BICDL1: variants seen among roughly 807,000 people sequenced by gnomAD.
BICDL1 encodes BICD family like cargo adaptor 1.
Under a neutral mutation model 76.8 loss-of-function variants are expected in BICDL1, and 20 were observed. That is an observed-to-expected ratio of 0.26 (90% confidence interval 0.18 to 0.38). The LOEUF (loss-of-function observed/expected upper bound fraction) is 0.38, where lower values mean the gene tolerates loss of function less well. BICDL1 is among the 10% of genes least tolerant of loss of function. The probability of loss-of-function intolerance (pLI) is 1.00; values close to 1 mark genes in which losing one functional copy is unlikely to be tolerated. For synonymous variants in BICDL1, 383 were observed against 337.1 expected (o/e 1.14, Z -1.49); for missense variants, 700 against 798.6 (o/e 0.88, Z 1.49).
chr12:120,004,083 A>G (rs1043763567), intron 2 of BICDL1, among the ~76,000 whole-genome samples: 1 of 152,214 alleles, frequency 6.6e-6, no homozygotes, highest in African/African-American at 2.4e-5. Flanking sequence ...GCAGAGCCTC[A>G]CGTAGGATAT....
chr12:120,041,807 A>G (rs1432010170), intron 2 of BICDL1, among the ~76,000 whole-genome samples: 1 of 152,220 alleles, frequency 6.6e-6, no homozygotes, highest in Non-Finnish European at 1.5e-5. Flanking sequence ...GAGGGCAGCA[A>G]GTAGGCCAGT....
intron 2 of BICDL1, among the ~76,000 whole-genome samples, chr12:120,003,813 C>CT (rs1951804252): frequency 6.6e-6 from 1 of 152,206 alleles, no homozygotes; most frequent in South Asian, 2.1e-4. Flanking sequence ...CTGTAGTTCT[C>CT]TGACTCTACT....
At chr12:120,025,111 G>A (rs1365347549) in intron 2 of BICDL1, among the ~76,000 whole-genome samples, 8 of 148,316 alleles carry the variant, frequency 5.4e-5, no homozygotes, top group African/African-American at 1.8e-4. Flanking sequence ...GTGCAGTGGC[G>A]CGATCTCAGC....
At chr12:120,006,747 TG>T (rs1460829559) in intron 2 of BICDL1, among the ~76,000 whole-genome samples, 1 of 152,138 alleles carries the variant, frequency 6.6e-6, no homozygotes, top group African/African-American at 2.4e-5. Flanking sequence ...GGTTAGGAGA[TG>T]AGATCAGAGA....
At position 119,990,079 on chromosome 12, in the gene BICDL1, G is replaced by A; in HGVS notation, c.211G>A (p.Asp71Asn). Residue 71 changes from aspartate (D) to asparagine (N), a missense_variant, in exon 1 of 10, where the codon GAC (aspartate) becomes AAC (asparagine). Asp to Asn is a conservative substitution (Grantham distance 23). This residue lies in a region of BICDL1 where 225 missense variants were observed against 199.6 expected (regional missense o/e 1.13). Transcript: ENST00000548673. ...GCTGGCGGCCGGGGAGCGGCCGTCCGACCCCGGGGAACACCCTCAGGCCGA... is the reference window on the plus strand; with the variant it reads ...GCTGGCGGCCGGGGAGCGGCCGTCCAACCCCGGGGAACACCCTCAGGCCGA... The part of the protein sequence containing the change: ...ALLAAGERPS[D>N]PGEHPQAEPG... 1 of 1,537,704 alleles carries A rather than the reference G, an allele frequency of 6.5e-7. No homozygotes were observed. Among genetic ancestry groups the A allele is most frequent in the East Asian group, 2.5e-5 (1 of 40,340 alleles).
At chr12:120,082,975 G>A (rs1007419235) in intron 8 of BICDL1, among the ~76,000 whole-genome samples, 3 of 151,940 alleles carry the variant, frequency 2.0e-5, no homozygotes, top group African/African-American at 7.3e-5. Flanking sequence ...CTATTCTCGT[G>A]CCTCAGCCTC....
chr12:120,043,982 T>C (rs1165630262), intron 2 of BICDL1, among the ~76,000 whole-genome samples: 1 of 152,248 alleles, frequency 6.6e-6, no homozygotes, highest in African/African-American at 2.4e-5. Context: ...TGTAGTCATT[T>C]TAACCGGGGA....
chr12:120,077,577 C>G (rs1225616273), intron 7 of BICDL1, among the ~76,000 whole-genome samples: 2 of 152,222 alleles, frequency 1.3e-5, no homozygotes, highest in Non-Finnish European at 2.9e-5. Context: ...TCATGCTTGA[C>G]TCGAGTGCAC....
chr12:120,074,813 C>T (rs1293125111), intron 7 of BICDL1, among the ~76,000 whole-genome samples: 1 of 152,224 alleles, frequency 6.6e-6, no homozygotes, highest in Non-Finnish European at 1.5e-5. Flanking sequence ...GGCTGGTCCT[C>T]CATTTCCTCC....
At chr12:120,054,651 C>T (rs969558289) in intron 2 of BICDL1, among the ~76,000 whole-genome samples, 16 of 152,004 alleles carry the variant, frequency 1.1e-4, no homozygotes, top group Admixed American at 9.2e-4. Flanking sequence ...CTGAGGTGGG[C>T]GGATCACTTG....
chr12:120,093,986 C>CA lies in BICDL1; in HGVS notation c.*826dup, dbSNP rs1473759111. 8 of 347,162 alleles carry CA rather than the reference C, an allele frequency of 2.3e-5. No homozygotes were observed. The East Asian group carries it at 6.0e-4, about 26-fold the overall frequency. The allele number at this position is 347,162 out of a possible 1,614,324, so 21.5% of individuals were successfully genotyped here. ...AGCTCCCTCCTCCACCCCTCACATACATACATAATTTCTTGGCCTAGCCAA... is the reference window on the plus strand; with the variant it reads ...AGCTCCCTCCTCCACCCCTCACATACAATACATAATTTCTTGGCCTAGCCAA... On this transcript the variant is annotated 3_prime_UTR_variant, in exon 10 of 10. Coordinates refer to ENST00000548673, the MANE Select transcript of BICDL1 (RefSeq NM_001367886.1).
intron 3 of BICDL1, among the ~76,000 whole-genome samples, chr12:120,063,258 G>A (rs966834121): frequency 6.6e-6 from 1 of 152,280 alleles, no homozygotes; most frequent in East Asian, 1.9e-4. Context: ...CTTCACATGG[G>A]TAACTTTGCT....
At chr12:120,082,903 G>T (rs1005618486) in intron 8 of BICDL1, among the ~76,000 whole-genome samples, 1 of 151,558 alleles carries the variant, frequency 6.6e-6, no homozygotes, top group Non-Finnish European at 1.5e-5. Flanking sequence ...TTTTTTGAGA[G>T]AAATTCTCAC....
chr12:120,032,323 T>G (rs910364871), intron 2 of BICDL1, among the ~76,000 whole-genome samples: 2 of 152,128 alleles, frequency 1.3e-5, no homozygotes, highest in East Asian at 1.9e-4. Flanking sequence ...TAAAGGGAGA[T>G]TTTTAAAAAT....
At chr12:120,048,548 G>A (rs1952793568) in intron 2 of BICDL1, among the ~76,000 whole-genome samples, 1 of 152,046 alleles carries the variant, frequency 6.6e-6, no homozygotes, top group African/African-American at 2.4e-5. Context: ...AAAATTACAG[G>A]TTCTTGTTTC....
chr12:120,024,315 C>A (rs73217382), intron 2 of BICDL1, among the ~76,000 whole-genome samples: 3,065 of 152,056 alleles, frequency 0.02, 59 homozygotes, highest in Non-Finnish European at 0.03. Flanking sequence ...AGACCTAAAT[C>A]GAACTTCTAG....
At chr12:119,994,497 CT>C (rs956323505) in intron 1 of BICDL1, among the ~76,000 whole-genome samples, 1 of 148,734 alleles carries the variant, frequency 6.7e-6, no homozygotes, top group Non-Finnish European at 1.5e-5. Flanking sequence ...TAAATAGACT[CT>C]TTTTTTTTCG....
Position 120,094,251 on chromosome 12 carries a change from A to G in BICDL1, c.*1090A>G, listed in dbSNP as rs886185987. On this transcript the variant is annotated 3_prime_UTR_variant, in exon 10 of 10. Coordinates refer to ENST00000548673, the MANE Select transcript of BICDL1 (RefSeq NM_001367886.1). ...CCCGGCCAGCCCTCAGCTGCTCACA[A>G]CCGATTCAGTCTCCCTCCCTCCCTC... 1 of 456,636 alleles carries G rather than the reference A, an allele frequency of 2.2e-6. No individual in the cohort carries two copies. 28.3% of individuals were successfully genotyped at this position (456,636 alleles called of 1,614,324 possible).
chr12:120,065,747 C>T (rs1594190292), intron 4 of BICDL1, among the ~76,000 whole-genome samples: 2 of 152,096 alleles, frequency 1.3e-5, no homozygotes, highest in Admixed American at 6.5e-5. Context: ...GATCTCTGCC[C>T]GAAGGCTAGG....
Sources: allele counts gnomAD v4.1 joint callset (sites outside exome capture counted in the v4.1 genomes callset), GRCh38; gene constraint gnomAD v4.1.1; regional missense constraint gnomAD v4.1.1; transcripts MANE v1.5; gene names NCBI Gene and HGNC (gene_info 2026-07-23, HGNC 2026-07-21).